Variants in FAT3 observed in about 807,000 individuals in gnomAD.
FAT3 encodes protocadherin Fat 3.
Under a neutral mutation model 310.2 loss-of-function variants are expected in FAT3, and 95 were observed. That is an observed-to-expected ratio of 0.31 (90% CI 0.26 to 0.36). The LOEUF (loss-of-function observed/expected upper bound fraction) is 0.36, where lower values mean the gene tolerates loss of function less well. Among genes scored for constraint, FAT3 ranks in the 10% least tolerant of loss-of-function variants. The pLI is 1.00. For synonymous variants in FAT3, 2,314 were observed against 2,192.9 expected, an observed-to-expected ratio of 1.06 and a Z score of -1.54; for missense variants, 5,408 against 5,715.6, an observed-to-expected ratio of 0.95 and a Z score of 1.74.
In FAT3 at chr11:92,868,562, C is replaced by T. The variant is rs996175725; in HGVS notation, c.12127+1353C>T. Among the ~76,000 whole-genome samples the T allele has an allele frequency of 3.9e-5, 6 of 152,072 alleles. No homozygotes were observed. The East Asian group carries it at 5.8e-4, about 15-fold the overall frequency. ...CAATTCTGCTAGTGTGAGCCATCTACGATATATAAAAGGAGCATATAATTA... is the reference window on the plus strand; with the variant it reads ...CAATTCTGCTAGTGTGAGCCATCTATGATATATAAAAGGAGCATATAATTA... On this transcript the variant is annotated intron_variant, in intron 22 of 27. Coordinates refer to ENST00000525166, the MANE Select transcript of FAT3 (RefSeq NM_001367949.2).
chr11:92,593,783 G>A (rs571305752), intron 3 of FAT3, among the ~76,000 whole-genome samples: 8 of 152,208 alleles, frequency 5.3e-5, no homozygotes, highest in East Asian at 1.9e-4. Context: ...ATCTCTTATC[G>A]GAATGCATGC....
chr11:92,631,735 C>T (rs1408743290), intron 3 of FAT3, among the ~76,000 whole-genome samples: 1 of 152,082 alleles, frequency 6.6e-6, no homozygotes, highest in Non-Finnish European at 1.5e-5. Flanking sequence ...TTAATTGCTA[C>T]AATAAAATAT....
intron 13 of FAT3, among the ~76,000 whole-genome samples, chr11:92,821,161 T>C (rs180818149): frequency 3.1e-4 from 47 of 152,284 alleles, no homozygotes; most frequent in Admixed American, 1.3e-3. Context: ...ATGTTACCAC[T>C]GAAAAGACCC....
chr11:92,697,494 ACTT>A (rs1350785865), intron 4 of FAT3, 49 bp downstream of exon 4: 4 of 1,553,880 alleles, frequency 2.6e-6, no homozygotes, highest in Admixed American at 3.3e-5. Context: ...CTTTCACTAA[ACTT>A]CTTTAACCTT....
At chr11:92,232,754 C>T (rs1864241878) in intron 1 of FAT3, among the ~76,000 whole-genome samples, 1 of 146,324 alleles carries the variant, frequency 6.8e-6, no homozygotes, top group Non-Finnish European at 1.5e-5. Context: ...TGAAGCATCA[C>T]CAAAGCACTA....
In FAT3 at chr11:92,353,436, G is replaced by A; in HGVS notation, c.1324G>A (p.Val442Ile). The change falls in exon 2 of 28, where the codon GTT becomes ATT. Residue 442 changes from valine (V) to isoleucine (I), a missense_variant. Coordinates refer to ENST00000525166, the MANE Select transcript of FAT3 (RefSeq NM_001367949.2). ...ARPLNTVKKEVYKLEVTNKEG... is the reference protein window; with the variant it reads ...ARPLNTVKKEIYKLEVTNKEG... Reference sequence around the variant, plus strand: ...GCCACTGAATACTGTTAAGAAGGAGGTTTATAAACTGGAGGTGACAAACAA... The same window carrying A: ...GCCACTGAATACTGTTAAGAAGGAGATTTATAAACTGGAGGTGACAAACAA... 1.2e-6 allele frequency: 2 copies of A among 1,613,568 alleles called. No homozygotes were observed. Among genetic ancestry groups the A allele is most frequent in the Non-Finnish European group, 1.7e-6 (2 of 1,179,788 alleles).
At chr11:92,415,939 C>T (rs1950400342) in intron 2 of FAT3, among the ~76,000 whole-genome samples, 1 of 137,698 alleles carries the variant, frequency 7.3e-6, no homozygotes, top group African/African-American at 2.8e-5. Context: ...ATGTTGACTT[C>T]ATCCTTAGCC....
At chr11:92,256,589 A>G (rs1258318912) in intron 1 of FAT3, among the ~76,000 whole-genome samples, 1 of 152,138 alleles carries the variant, frequency 6.6e-6, no homozygotes, top group Non-Finnish European at 1.5e-5. Context: ...GGCATGTGTA[A>G]ACCAAGCCCT....
chr11:92,412,704 TA>T (rs1683630357), intron 2 of FAT3, among the ~76,000 whole-genome samples: 1 of 16,474 alleles, frequency 6.1e-5, no homozygotes, highest in African/African-American at 1.6e-4. Flanking sequence ...ATGGTGGTGA[TA>T]TATATATATA....
At chr11:92,577,929 A>G (rs1938574957) in intron 3 of FAT3, among the ~76,000 whole-genome samples, 1 of 152,124 alleles carries the variant, frequency 6.6e-6, no homozygotes, top group Non-Finnish European at 1.5e-5. Flanking sequence ...AAAGATAGAG[A>G]GAGACAGATG....
At chr11:92,269,965 T>C (rs1324134323) in intron 1 of FAT3, among the ~76,000 whole-genome samples, 2 of 152,136 alleles carry the variant, frequency 1.3e-5, no homozygotes, top group African/African-American at 2.4e-5. Context: ...AAGTTATTAG[T>C]GTGGACACTT....
chr11:92,694,051 A>G (rs1248251519), intron 3 of FAT3, among the ~76,000 whole-genome samples: 2 of 152,244 alleles, frequency 1.3e-5, no homozygotes, highest in African/African-American at 4.8e-5. Context: ...TAACAGCTTT[A>G]TTAGCATATA....
chr11:92,510,431 A>T (rs922107691), intron 2 of FAT3, among the ~76,000 whole-genome samples: 1 of 152,164 alleles, frequency 6.6e-6, no homozygotes, highest in Non-Finnish European at 1.5e-5. Flanking sequence ...AGAAAAACAG[A>T]GTGCAAGCTG....
intron 2 of FAT3, among the ~76,000 whole-genome samples, chr11:92,486,819 A>G (rs1316258201): frequency 6.6e-6 from 1 of 152,186 alleles, no homozygotes; most frequent in Non-Finnish European, 1.5e-5. Context: ...GGCACCAAGA[A>G]TTAGAGGAGG....
At chr11:92,683,164 C>A (rs375022619) in intron 3 of FAT3, among the ~76,000 whole-genome samples, 2 of 151,032 alleles carry the variant, frequency 1.3e-5, no homozygotes, top group African/African-American at 4.9e-5. Flanking sequence ...CTAATGTGGT[C>A]TTGGTCCCTT....
rs566628935 is a variant in FAT3 at position 92,334,719 on chromosome 11, T to C, written c.-17-17377T>C. Reference sequence around the variant, plus strand: ...GCTTATCATTCTTTCCCTGGTAGAATGTGGAAACACTACCTGGAGGAGAAA... The same window carrying C: ...GCTTATCATTCTTTCCCTGGTAGAACGTGGAAACACTACCTGGAGGAGAAA... On this transcript the variant is annotated intron_variant, in intron 1 of 27. Coordinates refer to ENST00000525166, the MANE Select transcript of FAT3 (RefSeq NM_001367949.2). 2.8e-4 allele frequency among the ~76,000 whole-genome samples: 42 copies of C among 152,320 alleles called. No homozygotes were observed. The South Asian group carries it at 8.1e-3, about 29-fold the overall frequency.
chr11:92,330,670 A>G (rs1255853679), intron 1 of FAT3, among the ~76,000 whole-genome samples: 1 of 152,156 alleles, frequency 6.6e-6, no homozygotes, highest in Non-Finnish European at 1.5e-5. Context: ...CTCTAAGGGC[A>G]TTGTGTTGGG....
At chr11:92,534,882 C>T (rs1020315155) in intron 3 of FAT3, among the ~76,000 whole-genome samples, 1 of 151,990 alleles carries the variant, frequency 6.6e-6, no homozygotes, top group African/African-American at 2.4e-5. Context: ...AAGAGAAAAC[C>T]GTGTTATTTT....
At chr11:92,728,787 G>A (rs1451863016) in intron 4 of FAT3, among the ~76,000 whole-genome samples, 1 of 152,028 alleles carries the variant, frequency 6.6e-6, no homozygotes, top group African/African-American at 2.4e-5. Flanking sequence ...CTGACTTGTG[G>A]CCACATCCCT....
Sources: gnomAD v4.1 joint callset for allele counts (sites outside exome capture counted in the v4.1 genomes callset) on GRCh38, gnomAD v4.1.1 for gene constraint, MANE v1.5 for transcripts, NCBI Gene and HGNC (gene_info 2026-07-23, HGNC 2026-07-21) for gene names.